ZNF724: variants seen among roughly 807,000 people sequenced by gnomAD.
ZNF724 encodes zinc finger protein 724.
ZNF724 carries 14 observed loss-of-function variants against 29.3 expected under a neutral mutation model. The observed-to-expected ratio is 0.48, with a 90% confidence interval of 0.32 to 0.75. The LOEUF (loss-of-function observed/expected upper bound fraction) is 0.75, where lower values mean the gene tolerates loss of function less well. Among genes scored for constraint, ZNF724 ranks in the 30% least tolerant of loss-of-function variants. The pLI is 0.04. For synonymous variants in ZNF724, 180 were observed against 193.6 expected, an observed-to-expected ratio of 0.93 and a Z score of 0.58; for missense variants, 557 against 571.2, an observed-to-expected ratio of 0.98 and a Z score of 0.25.
intron 1 of ZNF724, among the ~76,000 whole-genome samples, chr19:23,244,905 T>G (rs954813972): frequency 3.3e-5 from 5 of 152,214 alleles, no homozygotes; most frequent in African/African-American, 1.2e-4. Context: ...AACACTGTAG[T>G]TATGTTGACC....
intron 1 of ZNF724, among the ~76,000 whole-genome samples, chr19:23,246,358 T>G (rs181069324): frequency 6.6e-6 from 1 of 152,248 alleles, no homozygotes; most frequent in African/African-American, 2.4e-5. Flanking sequence ...AAGTTTTGTC[T>G]TATAAAATTT....
intron 1 of ZNF724, among the ~76,000 whole-genome samples, chr19:23,245,279 TAA>T (rs1430803395): frequency 6.6e-6 from 1 of 152,338 alleles, no homozygotes; most frequent in East Asian, 1.9e-4. Flanking sequence ...ACCCTCAGTC[TAA>T]GCCAACATAC....
In ZNF724 at chr19:23,246,427, C is replaced by T. The variant is rs535194786; in HGVS notation, c.3+3813G>A. Reference sequence around the variant, plus strand: ...ATCTCAGCACTTTGGGAGGCCGAGGCGGGCAGATCACGAGGTCAGGAGTTC... The same window carrying T: ...ATCTCAGCACTTTGGGAGGCCGAGGTGGGCAGATCACGAGGTCAGGAGTTC... On this transcript the variant is annotated intron_variant, in intron 1 of 3. Coordinates refer to ENST00000418100, the MANE Select transcript of ZNF724 (RefSeq NM_001355404.2). 2.6e-4 allele frequency among the ~76,000 whole-genome samples: 39 copies of T among 151,670 alleles called. 1 individual carries two copies. The highest frequency in any genetic ancestry group is 4.9e-4 in the Non-Finnish European group (33 of 67,900).
intron 1 of ZNF724, among the ~76,000 whole-genome samples, chr19:23,246,813 A>G (rs759322358): frequency 1.3e-5 from 2 of 152,182 alleles, no homozygotes; most frequent in Non-Finnish European, 2.9e-5. Flanking sequence ...TTTCTTGTGA[A>G]CATGTATTCA....
At chr19:23,229,714 TA>T (rs1174392826) in intron 3 of ZNF724, among the ~76,000 whole-genome samples, 1 of 152,178 alleles carries the variant, frequency 6.6e-6, no homozygotes, top group Non-Finnish European at 1.5e-5. Flanking sequence ...CCCTCTTCAT[TA>T]CAAACCCATA....
chr19:23,250,130 C>A (rs906282284), intron 1 of ZNF724, 110 bp downstream of exon 1: 5 of 549,218 alleles, frequency 9.1e-6, no homozygotes, highest in African/African-American at 1.9e-5. Flanking sequence ...GAACTCAGGG[C>A]GCAGTTTGTG....
Position 23,223,532 on chromosome 19 carries a change from G to T in ZNF724, c.713C>A (p.Ser238Tyr). 1.4e-6 allele frequency: 1 copy of T among 740,374 alleles called. No homozygotes were observed. The highest frequency in any genetic ancestry group is 2.5e-6 in the Non-Finnish European group (1 of 398,542). 45.9% of individuals were successfully genotyped at this position (740,374 alleles called of 1,614,324 possible). Residue 238 changes from serine (S) to tyrosine (Y), a missense_variant, in exon 4 of 4, where the codon TCC becomes TAC. Physicochemically the swap from Ser to Tyr is moderately radical, Grantham distance 144 (BLOSUM62 -2). Around this residue, in one of 3 missense-constraint regions of ZNF724, gnomAD observed 362 missense variants for 295.5 expected, o/e 1.22. Coordinates refer to ENST00000418100, the MANE Select transcript of ZNF724 (RefSeq NM_001355404.2). ...TATCTTATGTGTGTTAAGGTGTGAGGACTTGTTAAAGGCTATGCCACATTC... is the reference window on the plus strand; with the variant it reads ...TATCTTATGTGTGTTAAGGTGTGAGTACTTGTTAAAGGCTATGCCACATTC... ...CEECGIAFNK[S>Y]SHLNTHKIIH...
intron 1 of ZNF724, among the ~76,000 whole-genome samples, chr19:23,238,263 G>T (rs1024610571): frequency 2.0e-5 from 3 of 152,088 alleles, no homozygotes; most frequent in African/African-American, 7.2e-5. Flanking sequence ...TGCTTGGGAG[G>T]CTGAGGCAGG....
chr19:23,248,552 T>A (rs1972284828), intron 1 of ZNF724, among the ~76,000 whole-genome samples: 1 of 150,732 alleles, frequency 6.6e-6, no homozygotes, highest in African/African-American at 2.4e-5. Context: ...CCTGGATTCT[T>A]GCTTTGAAAA....
chr19:23,249,514 T>C (rs1972310411), intron 1 of ZNF724, among the ~76,000 whole-genome samples: 1 of 152,076 alleles, frequency 6.6e-6, no homozygotes, highest in South Asian at 2.1e-4. Flanking sequence ...TTTTTCTGCG[T>C]CAGCCTCCTG....
chr19:23,231,791 T>G (rs1208695518), intron 2 of ZNF724, among the ~76,000 whole-genome samples: 1 of 151,968 alleles, frequency 6.6e-6, no homozygotes, highest in Non-Finnish European at 1.5e-5. Flanking sequence ...TGGAGTACAG[T>G]GGTACGATCT....
intron 1 of ZNF724, chr19:23,242,542 CCT>C (rs770504037): frequency 1.3e-5 from 2 of 150,222 alleles, no homozygotes; most frequent in Non-Finnish European, 2.9e-5. Flanking sequence ...GGTGAAACCC[CCT>C]CTCTACTAAA....
intron 1 of ZNF724, among the ~76,000 whole-genome samples, chr19:23,239,779 C>A (rs1439717319): frequency 6.6e-6 from 1 of 152,038 alleles, no homozygotes; most frequent in East Asian, 1.9e-4. Context: ...CCATTGTACT[C>A]CAGGCTAGGC....
At chr19:23,231,807 C>T (rs1219649881) in intron 2 of ZNF724, among the ~76,000 whole-genome samples, 1 of 151,846 alleles carries the variant, frequency 6.6e-6, no homozygotes, top group Non-Finnish European at 1.5e-5. Context: ...GATCTCGGCT[C>T]ACTGCAACCT....
intron 1 of ZNF724, among the ~76,000 whole-genome samples, chr19:23,234,412 T>C (rs186822959): frequency 2.7e-4 from 41 of 152,232 alleles, no homozygotes; most frequent in Admixed American, 6.5e-4. Flanking sequence ...ACCAACCTAA[T>C]AGAAGTCCAG....
At chr19:23,236,520 C>G (rs1253847121) in intron 1 of ZNF724, 1 of 153,566 alleles carries the variant, frequency 6.5e-6, no homozygotes, top group East Asian at 1.9e-4. Flanking sequence ...GCTTCTGAAA[C>G]AGACACCCAA....
At chr19:23,243,475 C>CAAA (rs61241201) in intron 1 of ZNF724, among the ~76,000 whole-genome samples, 4,854 of 30,496 alleles carry the variant, frequency 0.16, 731 homozygotes, top group African/African-American at 0.23. Context: ...GAGTCCATCT[C>CAAA]AAAAAAAAAA....
At chr19:23,231,634 G>C (rs1425896596) in intron 2 of ZNF724, among the ~76,000 whole-genome samples, 4 of 152,084 alleles carry the variant, frequency 2.6e-5, no homozygotes. Flanking sequence ...CTAATTTAGA[G>C]TGAAGGATAC....
rs1971763835 is a variant in ZNF724 at position 23,223,509 on chromosome 19, T to C, written c.736A>G (p.Ile246Val). 2 of 749,938 alleles carry C rather than the reference T, an allele frequency of 2.7e-6. No individual in the cohort carries two copies. Among genetic ancestry groups the C allele is most frequent in the Admixed American group, 1.9e-5 (1 of 53,796 alleles). 46.5% of individuals were successfully genotyped at this position (749,938 alleles called of 1,614,324 possible). ...NKSSHLNTHK[I>V]IHTGEKSYKR... ...TAGGATTTCTCTCCAGTATGAATTATCTTATGTGTGTTAAGGTGTGAGGAC... is the reference window on the plus strand; with the variant it reads ...TAGGATTTCTCTCCAGTATGAATTACCTTATGTGTGTTAAGGTGTGAGGAC... Residue 246 changes from isoleucine (I) to valine (V), a missense_variant, in exon 4 of 4, where the codon ATA becomes GTA. Physicochemically the swap from Ile to Val is conservative, Grantham distance 29. Coordinates refer to ENST00000418100, the MANE Select transcript of ZNF724 (RefSeq NM_001355404.2).
Sources: gnomAD v4.1 joint callset for allele counts (sites outside exome capture counted in the v4.1 genomes callset) on GRCh38, gnomAD v4.1.1 for gene constraint, gnomAD v4.1.1 regional missense constraint, MANE v1.5 for transcripts, NCBI Gene and HGNC (gene_info 2026-07-23, HGNC 2026-07-21) for gene names.